ARMC2: variants seen among roughly 807,000 people sequenced by gnomAD.
The protein encoded by ARMC2 is armadillo repeat-containing protein 2.
In ARMC2, 67 loss-of-function variants were observed where a neutral mutation model predicts 90.3. The observed-to-expected ratio is 0.74, with a 90% CI of 0.61 to 0.91. The LOEUF is 0.91. Ranked by LOEUF, ARMC2 falls within the 40% of genes least tolerant of loss-of-function variation. The probability of loss-of-function intolerance (pLI) is 0.00; values close to 1 mark genes in which losing one functional copy is unlikely to be tolerated. For missense variants in ARMC2, 920 were observed against 1,030.9 expected (o/e 0.89, Z 1.47); for synonymous variants, 393 against 393.0 (o/e 1.00, Z 0.00).
At chr6:108,908,139 G>T (rs955023431) in intron 8 of ARMC2, among the ~76,000 whole-genome samples, 1 of 48,486 alleles carries the variant, frequency 2.1e-5, no homozygotes, top group Admixed American at 2.2e-4. Context: ...CGGTAGTGCT[G>T]GGGGGGGCCT....
intron 10 of ARMC2, among the ~76,000 whole-genome samples, chr6:108,917,019 T>C (rs1035844453): frequency 3.9e-5 from 6 of 152,232 alleles, no homozygotes; most frequent in African/African-American, 1.4e-4. Flanking sequence ...AGGTAATTTA[T>C]AGGTGTACAA....
chr6:108,994,295 T>G, the ARMC2 span, among the ~76,000 whole-genome samples: 1 of 152,184 alleles, frequency 6.6e-6, no homozygotes, highest in Non-Finnish European at 1.5e-5. Flanking sequence ...TTATGACCTT[T>G]TCTTAGTTGC....
At chr6:108,888,848 T>A (rs1243531689) in intron 5 of ARMC2, among the ~76,000 whole-genome samples, 1 of 152,212 alleles carries the variant, frequency 6.6e-6, no homozygotes. Context: ...CTCAGATTAG[T>A]CCTTGTTCCT....
the ARMC2 span, among the ~76,000 whole-genome samples, chr6:108,983,771 C>T: frequency 2.6e-5 from 4 of 152,174 alleles, no homozygotes; most frequent in African/African-American, 7.2e-5. Context: ...TCTCTACTTC[C>T]GTGAAAAATG....
intron 7 of ARMC2, among the ~76,000 whole-genome samples, chr6:108,901,540 T>C (rs910765638): frequency 6.6e-6 from 1 of 152,002 alleles, no homozygotes; most frequent in Non-Finnish European, 1.5e-5. Flanking sequence ...CTCTGCTTCC[T>C]CAGTGGCTGG....
chr6:109,037,335 T>A, the ARMC2 span, among the ~76,000 whole-genome samples: 2 of 152,236 alleles, frequency 1.3e-5, no homozygotes, highest in African/African-American at 2.4e-5. Context: ...AAAAGAAGTA[T>A]GTTTTTATTT....
the ARMC2 span, among the ~76,000 whole-genome samples, chr6:108,991,151 C>A: frequency 1.7e-3 from 252 of 152,284 alleles, no homozygotes; most frequent in African/African-American, 6.0e-3. Flanking sequence ...CTCCACTCAG[C>A]CCCCCAGATG....
chr6:109,002,456 GGTTT>G, the ARMC2 span: 2 of 795,954 alleles, frequency 2.5e-6, no homozygotes, highest in Non-Finnish European at 4.2e-6. Flanking sequence ...TTGTTTTGAT[GGTTT>G]GTTTTCATGG....
chr6:108,942,642 A>T (rs1172574456), intron 12 of ARMC2, among the ~76,000 whole-genome samples: 1 of 152,122 alleles, frequency 6.6e-6, no homozygotes, highest in Admixed American at 6.5e-5. Flanking sequence ...TCCCTGCAAG[A>T]CTAACTTGGG....
chr6:108,890,063 G>A (rs1394501146), intron 5 of ARMC2, among the ~76,000 whole-genome samples: 2 of 148,006 alleles, frequency 1.4e-5, no homozygotes, highest in African/African-American at 2.5e-5. Context: ...AGTGGCGGGC[G>A]CCTGTAGTCC....
chr6:108,969,652 G>A (rs1778621303), intron 17 of ARMC2, among the ~76,000 whole-genome samples: 1 of 152,202 alleles, frequency 6.6e-6, no homozygotes, highest in Non-Finnish European at 1.5e-5. Context: ...TGAAACATTT[G>A]TTTATTCATA....
At position 108,858,103 on chromosome 6, in the gene ARMC2, C is replaced by A. The variant is rs781052314; in HGVS notation, c.219-96C>A. The A allele has an allele frequency of 3.9e-4, 353 of 916,064 alleles. 2 individuals are homozygous for A. Among genetic ancestry groups the A allele is most frequent in the South Asian group, 7.1e-4 (38 of 53,812 alleles). The allele number at this position is 916,064 out of a possible 1,614,324, so 56.7% of individuals were successfully genotyped here. ...TTCCTCATGGTTTATGCATTGCATC[C>A]TTTTACTTGTTTTTTAGCTAGGGTT... On this transcript the variant is annotated intron_variant, in intron 2 of 17. Transcript: ENST00000392644.
At chr6:108,931,087 C>T (rs968904921) in intron 11 of ARMC2, among the ~76,000 whole-genome samples, 4 of 151,650 alleles carry the variant, frequency 2.6e-5, no homozygotes, top group African/African-American at 9.8e-5. Flanking sequence ...CCTCCACCCT[C>T]AAGTAGACCC....
chr6:108,967,217 A>G (rs1778435036), intron 17 of ARMC2, among the ~76,000 whole-genome samples: 3 of 152,064 alleles, frequency 2.0e-5, no homozygotes, highest in Admixed American at 2.0e-4. Context: ...GCACTTTCCT[A>G]TGTCACCCAC....
intron 10 of ARMC2, among the ~76,000 whole-genome samples, chr6:108,924,567 G>A (rs959965836): frequency 8.5e-5 from 13 of 152,192 alleles, no homozygotes; most frequent in African/African-American, 3.1e-4. Flanking sequence ...CACTCTGGGC[G>A]GAGGAAGCCG....
chr6:109,033,435 G>C, the ARMC2 span, among the ~76,000 whole-genome samples: 1 of 152,282 alleles, frequency 6.6e-6, no homozygotes, highest in African/African-American at 2.4e-5. Flanking sequence ...GGTTTTGATG[G>C]AGATGCTTAT....
chr6:108,879,029 T>C (rs1486923741), intron 5 of ARMC2, among the ~76,000 whole-genome samples: 1 of 146,002 alleles, frequency 6.8e-6, no homozygotes, highest in African/African-American at 2.6e-5. Flanking sequence ...ATCTACCCAT[T>C]CACCCATCTA....
In ARMC2 at chr6:108,912,344, T is replaced by C; in HGVS notation, c.1136T>C (p.Leu379Ser). The change falls in exon 10 of 18, where the codon TTG becomes TCG. Residue 379 changes from leucine (L) to serine (S), a missense_variant. Coordinates refer to ENST00000392644, the MANE Select transcript of ARMC2 (RefSeq NM_032131.6). ...IQNDSILESL[L>S]EVLRSEDLQT... ...TTAATCTTTTTGACAGAATCATTATTGGAGGTACTAAGAAGTGAAGACCTG... is the reference window on the plus strand; with the variant it reads ...TTAATCTTTTTGACAGAATCATTATCGGAGGTACTAAGAAGTGAAGACCTG... The C allele has an allele frequency of 6.3e-7, 1 of 1,597,984 alleles. No homozygotes were observed. Among genetic ancestry groups the C allele is most frequent in the Non-Finnish European group, 8.5e-7 (1 of 1,172,334 alleles).
At chr6:108,967,337 C>T (rs927274043) in intron 17 of ARMC2, among the ~76,000 whole-genome samples, 4 of 152,172 alleles carry the variant, frequency 2.6e-5, no homozygotes, top group African/African-American at 9.7e-5. Context: ...CCTTTGTTAC[C>T]CAAGCCTGGG....
Sources: allele counts gnomAD v4.1 joint callset (sites outside exome capture counted in the v4.1 genomes callset), GRCh38; gene constraint gnomAD v4.1.1; transcripts MANE v1.5; gene names NCBI Gene and HGNC (gene_info 2026-07-23, HGNC 2026-07-21).